Variants in MRPL43 observed in about 807,000 individuals in gnomAD.
MRPL43 encodes the protein mitochondrial ribosomal protein L43.
Under a neutral mutation model 12.7 loss-of-function variants are expected in MRPL43, and 9 were observed. That is an observed-to-expected ratio of 0.71 (90% CI 0.43 to 1.24). The LOEUF (loss-of-function observed/expected upper bound fraction) is 1.24, where lower values mean the gene tolerates loss of function less well. Among genes scored for constraint, MRPL43 ranks in the 50% most tolerant of loss-of-function variants. The pLI is 0.00. For synonymous variants in MRPL43, 116 were observed against 96.4 expected (o/e 1.20, Z -1.19); for missense variants, 211 against 229.2 (o/e 0.92, Z 0.51).
downstream of MRPL43, chr10:100,978,274 T>C (rs747169057): frequency 6.3e-7 from 1 of 1,590,776 alleles, no homozygotes; most frequent in South Asian, 1.1e-5. Flanking sequence ...AACCACTTAC[T>C]GCTGGTTCCT....
downstream of MRPL43, chr10:100,985,750 T>A (rs961745106): frequency 1.3e-5 from 2 of 152,328 alleles, no homozygotes; most frequent in Non-Finnish European, 2.9e-5. Context: ...GCAGAGGAAA[T>A]TGGGATCCTC....
At chr10:100,985,100 A>AC, downstream of MRPL43, 4 of 539,404 alleles carry the variant, frequency 7.4e-6, no homozygotes, top group Non-Finnish European at 9.5e-6. Flanking sequence ...AGGATGGATG[A>AC]CCAACACTGC....
At chr10:100,984,615 C>A, downstream of MRPL43, 1 of 1,536,288 alleles carries the variant, frequency 6.5e-7, no homozygotes, top group South Asian at 1.2e-5. Context: ...TTCACATGCA[C>A]ACATGGAAGA....
chr10:100,981,569 T>C, downstream of MRPL43: 3 of 1,613,130 alleles, frequency 1.9e-6, no homozygotes, highest in Non-Finnish European at 2.5e-6. Flanking sequence ...AAGTTAATCA[T>C]CACAGCTAAG....
At chr10:100,983,912 A>ACCCCCCC, downstream of MRPL43, 3 of 185,356 alleles carry the variant, frequency 1.6e-5, no homozygotes, top group South Asian at 2.0e-4. Context: ...CAGCCCCACC[A>ACCCCCCC]CCCCCACCGC....
rs1851474727 is a variant in MRPL43, at chr10:100,986,450, CA to C, written c.*283del. ...CACTGTGTTTTGAGATCATTATTAT[CA>C]ATTTGGATTTAAAAAACAAGGGCCC... On this transcript the variant is annotated 3_prime_UTR_variant, in exon 3 of 3. Transcript: ENST00000318364. 1 of 1,526,704 alleles carries C rather than the reference CA, an allele frequency of 6.6e-7. No individual in the cohort carries two copies. The highest frequency in any genetic ancestry group is 1.4e-5 in the African/African-American group (1 of 71,494). 94.6% of individuals were successfully genotyped at this position (1,526,704 alleles called of 1,614,324 possible). A position where few individuals can be genotyped will look rare whatever the true frequency, so the allele number is the denominator to read the frequency against.
chr10:100,981,043 G>GA, downstream of MRPL43: 2 of 1,596,568 alleles, frequency 1.3e-6, no homozygotes, highest in East Asian at 4.5e-5. Context: ...CTGAGTGGAG[G>GA]AGGAAGGCCT....
At chr10:100,978,034 G>C, downstream of MRPL43, 8 of 573,310 alleles carry the variant, frequency 1.4e-5, no homozygotes. Context: ...CCACAGGATG[G>C]GCTAGGGGCT....
downstream of MRPL43, chr10:100,986,200 G>A (rs946029616): frequency 6.1e-6 from 5 of 818,964 alleles, no homozygotes; most frequent in South Asian, 1.3e-4. Flanking sequence ...TATATGTTCT[G>A]CGTCTAGTTT....
chr10:100,982,987 T>A (rs1483973422), downstream of MRPL43, among the ~76,000 whole-genome samples: 1 of 152,140 alleles, frequency 6.6e-6, no homozygotes, highest in Non-Finnish European at 1.5e-5. Flanking sequence ...CAGCACATGG[T>A]AGATATCCGA....
chr10:100,979,084 G>T (rs534844916), downstream of MRPL43: 1 of 1,613,582 alleles, frequency 6.2e-7, no homozygotes, highest in African/African-American at 1.3e-5. Context: ...CCCTTATCCC[G>T]TGCCTCTACC....
At chr10:100,980,648 C>A, downstream of MRPL43, 1 of 1,614,186 alleles carries the variant, frequency 6.2e-7, no homozygotes, top group East Asian at 2.2e-5. Flanking sequence ...CACAAGTGTT[C>A]AGGGAGTCCC....
rs7184 is a variant in MRPL43 at position 100,986,474 on chromosome 10, C to A, written c.*260G>T. 2.0e-6 allele frequency: 3 copies of A among 1,536,144 alleles called. No individual in the cohort carries two copies. The highest frequency in any genetic ancestry group is 1.4e-5 in the African/African-American group (1 of 71,816). ...TCAATTTGGATTTAAAAAACAAGGG[C>A]CCTGTAAAACCCTTGAAGTCTTCCT... is the stretch of plus-strand genomic sequence containing the variant. On this transcript the variant is annotated 3_prime_UTR_variant, in exon 3 of 3. Coordinates refer to ENST00000318364, the MANE Select transcript of MRPL43 (RefSeq NM_032112.3).
At chr10:100,977,897 TCC>T (rs1170607424), downstream of MRPL43, 13 of 615,122 alleles carry the variant, frequency 2.1e-5, no homozygotes, top group Non-Finnish European at 3.5e-5. Flanking sequence ...GGAGAACCAT[TCC>T]CCTTTGTAAA....
downstream of MRPL43, chr10:100,983,394 T>C: frequency 6.2e-7 from 1 of 1,611,704 alleles, no homozygotes; most frequent in Non-Finnish European, 8.5e-7. Context: ...GGCCCGGGCC[T>C]TGTGGCTACT....
At chr10:100,979,154 A>G, downstream of MRPL43, 1 of 1,614,142 alleles carries the variant, frequency 6.2e-7, no homozygotes, top group South Asian at 1.1e-5. Context: ...TCCTTCCTGA[A>G]AGCCCGTCTC....
chr10:100,984,672 G>T (rs1164988814), downstream of MRPL43: 1 of 1,536,226 alleles, frequency 6.5e-7, no homozygotes, highest in Non-Finnish European at 8.7e-7. Flanking sequence ...CCTTCTCCTG[G>T]TGCATTCTTG....
At chr10:100,979,948 T>G, downstream of MRPL43, 2 of 1,614,044 alleles carry the variant, frequency 1.2e-6, no homozygotes, top group Non-Finnish European at 1.7e-6. Context: ...TTCCCGGCGC[T>G]GGGGTCGCTA....
chr10:100,982,446 C>T (rs76997620), downstream of MRPL43, among the ~76,000 whole-genome samples: 24 of 152,328 alleles, frequency 1.6e-4, no homozygotes, highest in East Asian at 3.1e-3. Flanking sequence ...GGAGAGAAAT[C>T]AACAGGTCTA....
Sources: gnomAD v4.1 joint callset for allele counts (sites outside exome capture counted in the v4.1 genomes callset) on GRCh38, gnomAD v4.1.1 for gene constraint, MANE v1.5 for transcripts, NCBI Gene and HGNC (gene_info 2026-07-23, HGNC 2026-07-21) for gene names.